The following CACUL1 variants were observed in gnomAD, a reference collection of about 807,000 sequenced individuals.
CACUL1 encodes CDK2 associated cullin domain 1.
A neutral mutation model predicts 45.2 loss-of-function variants in CACUL1; 13 were observed. The observed-to-expected ratio is 0.29, with a 90% CI of 0.19 to 0.46. The LOEUF is 0.46. Among genes scored for constraint, CACUL1 ranks in the 20% least tolerant of loss-of-function variants. The probability of loss-of-function intolerance (pLI) is 1.00; values close to 1 mark genes in which losing one functional copy is unlikely to be tolerated. For missense variants in CACUL1, 421 were observed against 471.4 expected, an observed-to-expected ratio of 0.89 and a Z score of 0.99; for synonymous variants, 197 against 174.2, an observed-to-expected ratio of 1.13 and a Z score of -1.03.
intron 5 of CACUL1, among the ~76,000 whole-genome samples, chr10:118,700,193 A>T (rs1412805182): frequency 1.3e-5 from 2 of 152,188 alleles, no homozygotes; most frequent in Admixed American, 6.5e-5. Flanking sequence ...ATTGTGGTGA[A>T]CGCTAATTAC....
At position 118,728,317 on chromosome 10, in the gene CACUL1, C is replaced by CTT. The variant is rs5788315; in HGVS notation, c.597+976_597+977dup. On this transcript the variant is annotated intron_variant, in intron 3 of 8. Transcript: ENST00000369151. ...GGTAATCTATTGCTGAGTGACTTTT[C>CTT]TTTTTTTTTTTTTTTGAGACGGAGT... is the stretch of plus-strand genomic sequence containing the variant. Among the ~76,000 whole-genome samples the CTT allele has an allele frequency of 2.3e-3, 318 of 140,764 alleles. 4 individuals carry two copies. Among genetic ancestry groups the CTT allele is most frequent in the East Asian group, 0.02 (95 of 4,794 alleles). The allele number at this position is 140,764 out of a possible 152,430, so 92.3% of individuals were successfully genotyped here.
In CACUL1 at chr10:118,678,072, C is replaced by G. The variant is rs1845114798; in HGVS notation, c.*8056G>C. The G allele has an allele frequency of 1.3e-5, 2 of 152,214 alleles. No homozygotes were observed. The highest frequency in any genetic ancestry group is 6.5e-5 in the Admixed American group (1 of 15,286). 9.4% of individuals were successfully genotyped at this position (152,214 alleles called of 1,614,324 possible). Reference sequence around the variant, plus strand: ...GCTTTTAATGTGCATTACCTGACGACTAATGAGGCTGAACATCTTTTCACA... The same window carrying G: ...GCTTTTAATGTGCATTACCTGACGAGTAATGAGGCTGAACATCTTTTCACA... On this transcript the variant is annotated 3_prime_UTR_variant, in exon 9 of 9. Transcript: ENST00000369151.
chr10:118,724,116 G>A (rs1405116966), intron 3 of CACUL1, among the ~76,000 whole-genome samples: 3 of 152,136 alleles, frequency 2.0e-5, no homozygotes, highest in Non-Finnish European at 2.9e-5. Context: ...CAAATGAGAA[G>A]GCTAGTCTTT....
chr10:118,742,546 C>T (rs548640366), intron 1 of CACUL1, among the ~76,000 whole-genome samples: 31 of 152,238 alleles, frequency 2.0e-4, no homozygotes, highest in African/African-American at 6.5e-4. Flanking sequence ...TCCTGAAGTT[C>T]GGCCGGGAAC....
At chr10:118,733,118 G>A (rs558945162) in intron 1 of CACUL1, among the ~76,000 whole-genome samples, 3 of 152,294 alleles carry the variant, frequency 2.0e-5, no homozygotes, top group Non-Finnish European at 2.9e-5. Flanking sequence ...TCAAGCACAG[G>A]CTTCGCACTT....
At chr10:118,747,625 T>C (rs1388414002) in intron 1 of CACUL1, among the ~76,000 whole-genome samples, 4 of 137,536 alleles carry the variant, frequency 2.9e-5, no homozygotes, top group South Asian at 2.2e-4. Context: ...GTAACTGACA[T>C]ATGCGAGAAC....
chr10:118,688,730 C>T (rs551099408), intron 7 of CACUL1, among the ~76,000 whole-genome samples: 3 of 152,246 alleles, frequency 2.0e-5, no homozygotes, highest in South Asian at 2.1e-4. Flanking sequence ...TTCCACCCCT[C>T]GCCAATCAAT....
chr10:118,685,007 G>T lies in CACUL1; in HGVS notation c.*1121C>A, dbSNP rs1171230565. The stretch of plus-strand genomic sequence containing the variant: ...ACAGAAATATAGCTTTGCCACAGCT[G>T]GAAGGGAGCCTTAGGACAGCAGTGC... On this transcript the variant is annotated 3_prime_UTR_variant, in exon 9 of 9. Transcript: ENST00000369151. The T allele has an allele frequency of 6.6e-6, 1 of 152,204 alleles. No individual in the cohort carries two copies. Among genetic ancestry groups the T allele is most frequent in the African/African-American group, 2.4e-5 (1 of 41,446 alleles). The allele number at this position is 152,204 out of a possible 1,614,324, so 9.4% of individuals were successfully genotyped here.
intron 1 of CACUL1, among the ~76,000 whole-genome samples, chr10:118,737,661 G>A (rs1045736898): frequency 2.8e-5 from 4 of 145,162 alleles, no homozygotes; most frequent in African/African-American, 1.0e-4. Context: ...TAATAAAATA[G>A]TAGAAACCTC....
rs1845201753 is a variant in CACUL1 at position 118,686,029 on chromosome 10, A to C, written c.*99T>G. The C allele has an allele frequency of 2.7e-6, 2 of 730,042 alleles. No individual in the cohort carries two copies. The highest frequency in any genetic ancestry group is 4.6e-6 in the Non-Finnish European group (2 of 431,208). 45.2% of individuals were successfully genotyped at this position (730,042 alleles called of 1,614,324 possible). On this transcript the variant is annotated 3_prime_UTR_variant, in exon 9 of 9. Coordinates refer to ENST00000369151, the MANE Select transcript of CACUL1 (RefSeq NM_153810.5). Reference sequence around the variant, plus strand: ...TCTTCCATGAACAGCTTTGTGACAGAGCTCCTGAGTGTGTGCAGCCCCCAC... The same window carrying C: ...TCTTCCATGAACAGCTTTGTGACAGCGCTCCTGAGTGTGTGCAGCCCCCAC...
Position 118,685,394 on chromosome 10 carries a change from C to G in CACUL1, c.*734G>C, listed in dbSNP as rs907683079. The G allele has an allele frequency of 7.9e-6, 1 of 126,440 alleles. No homozygotes were observed. Among genetic ancestry groups the G allele is most frequent in the African/African-American group, 2.8e-5 (1 of 35,104 alleles). The allele number at this position is 126,440 out of a possible 1,614,324, so 7.8% of individuals were successfully genotyped here. ...AATCCGACCCATGTGCAAAAGGTTT[C>G]TATTTTCCCACTTAATTAGCATCCT... On this transcript the variant is annotated 3_prime_UTR_variant, in exon 9 of 9. Coordinates refer to ENST00000369151, the MANE Select transcript of CACUL1 (RefSeq NM_153810.5).
intron 1 of CACUL1, among the ~76,000 whole-genome samples, chr10:118,738,466 C>CACCCCT (rs1845760698): frequency 1.3e-5 from 2 of 150,670 alleles, no homozygotes; most frequent in African/African-American, 4.9e-5. Context: ...CTTTATTCCC[C>CACCCCT]ACCCCTACCC....
rs975551860 is a variant in CACUL1 at position 118,714,920 on chromosome 10, G to A, written c.598-7333C>T. 5.3e-5 allele frequency among the ~76,000 whole-genome samples: 8 copies of A among 152,116 alleles called. 1 individual carries two copies. The East Asian group carries it at 1.2e-3, about 22-fold the overall frequency. The stretch of plus-strand genomic sequence containing the variant: ...CAGACCCCCCTGAAAGGCTTTTGGG[G>A]ACCCTCCGAAGTCCTCAAAACACAC... On this transcript the variant is annotated intron_variant, in intron 3 of 8. Transcript: ENST00000369151.
intron 1 of CACUL1, among the ~76,000 whole-genome samples, chr10:118,732,793 T>C (rs898845973): frequency 6.6e-6 from 1 of 152,298 alleles, no homozygotes; most frequent in African/African-American, 2.4e-5. Context: ...CTCTTGATAC[T>C]GAAAAGTGTT....
At chr10:118,691,866 C>CAAAAAAAAA (rs754241223) in intron 6 of CACUL1, among the ~76,000 whole-genome samples, 9 of 95,414 alleles carry the variant, frequency 9.4e-5, no homozygotes, top group Middle Eastern at 5.6e-3. Flanking sequence ...GACTCCGTCT[C>CAAAAAAAAA]AAAAAAAAAA....
At chr10:118,721,176 G>A (rs1925943) in intron 3 of CACUL1, among the ~76,000 whole-genome samples, 46,278 of 152,002 alleles carry the variant, frequency 0.3, 7,162 homozygotes, top group East Asian at 0.39. Context: ...TCAAATGACC[G>A]TACACAAGAT....
At position 118,677,681 on chromosome 10, in the gene CACUL1, G is replaced by C. The variant is rs1409652043; in HGVS notation, c.*8447C>G. ...ATTTCTGAGATGCATCCATGTTGAA[G>C]CCCGCAGTGGTATGATGCCTTGACC... is the stretch of plus-strand genomic sequence containing the variant. On this transcript the variant is annotated 3_prime_UTR_variant, in exon 9 of 9. Coordinates refer to ENST00000369151, the MANE Select transcript of CACUL1 (RefSeq NM_153810.5). 2.6e-5 allele frequency: 4 copies of C among 152,164 alleles called. No homozygotes were observed. The highest frequency in any genetic ancestry group is 9.7e-5 in the African/African-American group (4 of 41,440). The allele number at this position is 152,164 out of a possible 1,614,324, so 9.4% of individuals were successfully genotyped here.
intron 1 of CACUL1, among the ~76,000 whole-genome samples, chr10:118,733,878 G>A (rs539415199): frequency 1.5e-4 from 23 of 151,968 alleles, no homozygotes; most frequent in Non-Finnish European, 3.2e-4. Flanking sequence ...TTAGCCGAGC[G>A]TGGTGATGCA....
At chr10:118,749,420 G>C (rs1311044792) in intron 1 of CACUL1, among the ~76,000 whole-genome samples, 1 of 152,020 alleles carries the variant, frequency 6.6e-6, no homozygotes, top group Non-Finnish European at 1.5e-5. Context: ...AATATACTGG[G>C]GTATTACTTG....
Sources: allele counts gnomAD v4.1 joint callset (sites outside exome capture counted in the v4.1 genomes callset), GRCh38; gene constraint gnomAD v4.1.1; transcripts MANE v1.5; gene names NCBI Gene and HGNC (gene_info 2026-07-23, HGNC 2026-07-21).